Variants in PACRGL observed in about 807,000 individuals in gnomAD.
PACRGL encodes the protein PACRG-like protein.
In PACRGL, 38 loss-of-function variants were observed where a neutral mutation model predicts 34.5. The observed-to-expected ratio is 1.10, with a 90% CI of 0.85 to 1.44. PACRGL has a LOEUF of 1.44. Among genes scored for constraint, PACRGL ranks in the 40% most tolerant of loss-of-function variants. The pLI, the probability that PACRGL is intolerant of heterozygous loss-of-function variation, is 0.00. For missense variants in PACRGL, 305 were observed against 281.4 expected, an observed-to-expected ratio of 1.08 and a Z score of -0.60; for synonymous variants, 128 against 100.1, an observed-to-expected ratio of 1.28 and a Z score of -1.66.
chr4:20,710,187 A>G (rs573360973), intron 5 of PACRGL, among the ~76,000 whole-genome samples: 2 of 152,168 alleles, frequency 1.3e-5, no homozygotes, highest in Non-Finnish European at 2.9e-5. Context: ...TAGGGAATTG[A>G]TACTACCTAC....
chr4:20,716,155 A>G (rs771613066), intron 7 of PACRGL: 32 of 1,399,392 alleles, frequency 2.3e-5, no homozygotes, highest in Non-Finnish European at 3.1e-5. Flanking sequence ...AGGTTTGATG[A>G]TTTGCCAGAA....
At chr4:20,708,429 A>T (rs1453820657) in intron 4 of PACRGL, among the ~76,000 whole-genome samples, 1 of 151,808 alleles carries the variant, frequency 6.6e-6, no homozygotes, top group Non-Finnish European at 1.5e-5. Context: ...TATTTTGATT[A>T]TGGAAATAAT....
intron 8 of PACRGL, chr4:20,749,799 A>T: frequency 9.9e-7 from 1 of 1,013,210 alleles, no homozygotes; most frequent in Non-Finnish European, 1.5e-6. Flanking sequence ...CTTGGATAGC[A>T]GTCCAAGCTT....
chr4:20,732,029 C>T lies in PACRGL; in HGVS notation c.*4688C>T. On this transcript the variant is annotated 3_prime_UTR_variant, in exon 9 of 9. Coordinates refer to ENST00000503585, the MANE Select transcript of PACRGL (RefSeq NM_001258345.3). ...ACTTTTTGGCAGCTTTCAATGAACT[C>T]ATCTATGGTAACAACCCCATCTTTA... The T allele has an allele frequency of 6.2e-7, 1 of 1,613,524 alleles. No homozygotes were observed. The highest frequency in any genetic ancestry group is 8.5e-7 in the Non-Finnish European group (1 of 1,179,770).
At chr4:20,743,026 TAAGGGTGTGAAGGACCCTTA>T (rs1560423017) in intron 8 of PACRGL, among the ~76,000 whole-genome samples, 1 of 98,940 alleles carries the variant, frequency 1.0e-5, no homozygotes, top group African/African-American at 4.9e-5. Context: ...AGGACCCTTA[TAAGGGTGTGAAGGACCCTTA>T]TAAGGGTGTG....
chr4:20,711,066 G>C (rs1736930991), intron 5 of PACRGL, among the ~76,000 whole-genome samples: 1 of 151,864 alleles, frequency 6.6e-6, no homozygotes, highest in Non-Finnish European at 1.5e-5. Flanking sequence ...AGGCACAGTA[G>C]AGTGAGATGC....
chr4:20,715,459 T>A (rs1473106387), intron 7 of PACRGL, among the ~76,000 whole-genome samples: 1 of 152,082 alleles, frequency 6.6e-6, no homozygotes, highest in Non-Finnish European at 1.5e-5. Flanking sequence ...CTTAAAAATC[T>A]CATCATCCTT....
downstream of PACRGL, among the ~76,000 whole-genome samples, chr4:20,756,506 G>A (rs553491973): frequency 6.6e-6 from 1 of 152,176 alleles, no homozygotes; most frequent in South Asian, 2.1e-4. Context: ...GTCTTCCACT[G>A]GTATCTACCC....
chr4:20,731,770 T>C lies in PACRGL; in HGVS notation c.*4429T>C. On this transcript the variant is annotated 3_prime_UTR_variant, in exon 9 of 9. Coordinates refer to ENST00000503585, the MANE Select transcript of PACRGL (RefSeq NM_001258345.3). ...AATTTGGGAATCAACACAGTACATG[T>C]ACAACTTTTGTATCCCCAGGGTTTC... The C allele has an allele frequency of 1.0e-6, 1 of 985,422 alleles. No individual in the cohort carries two copies. The highest frequency in any genetic ancestry group is 1.2e-6 in the Non-Finnish European group (1 of 829,928). 61.0% of individuals were successfully genotyped at this position (985,422 alleles called of 1,614,324 possible).
intron 7 of PACRGL, among the ~76,000 whole-genome samples, chr4:20,720,921 T>G (rs1742774387): frequency 6.6e-6 from 1 of 152,208 alleles, no homozygotes; most frequent in Non-Finnish European, 1.5e-5. Flanking sequence ...GCAGCGTGTT[T>G]TCCAACTTGG....
upstream of PACRGL, among the ~76,000 whole-genome samples, chr4:20,697,070 T>G (rs1357478083): frequency 2.6e-5 from 4 of 152,338 alleles, no homozygotes; most frequent in Middle Eastern, 3.4e-3. Flanking sequence ...CAATGCTACC[T>G]TATATGCTCA....
downstream of PACRGL, among the ~76,000 whole-genome samples, chr4:20,756,425 T>G (rs1180843507): frequency 1.3e-5 from 2 of 152,136 alleles, no homozygotes; most frequent in Non-Finnish European, 2.9e-5. Context: ...CTAAAGCTAT[T>G]AACATCTCCT....
At position 20,709,748 on chromosome 4, in the gene PACRGL, A is replaced by T. The variant is rs1030139950; in HGVS notation, c.341A>T (p.Asp114Val). Reference protein sequence around the residue: ...WECPPESLSFDPLLITLAEGL... With the variant: ...WECPPESLSFVPLLITLAEGL... Reference sequence around the variant, plus strand: ...TGTCCTCCTGAAAGTCTTTCATTTGATCCACTTCTTATTACTTTAGCTGAG... The same window carrying T: ...TGTCCTCCTGAAAGTCTTTCATTTGTTCCACTTCTTATTACTTTAGCTGAG... Residue 114 changes from aspartate (D) to valine (V), a missense_variant, in exon 5 of 9, where the codon GAT (aspartate) becomes GTT (valine). Transcript: ENST00000503585. The T allele has an allele frequency of 2.5e-6, 4 of 1,606,648 alleles. No homozygotes were observed. In the African/African-American group the frequency reaches 5.3e-5, roughly 21 times the overall value.
rs1738245512 is a variant in PACRGL, at chr4:20,713,416, C to A, written c.502-16C>A. ...TCCCTGATGTCCATACATCCCCCAA[C>A]TAACCAACCTTACAGGTCCATTCGG... On this transcript the variant is annotated splice_polypyrimidine_tract_variant and intron_variant, in intron 6 of 8. Coordinates refer to ENST00000503585, the MANE Select transcript of PACRGL (RefSeq NM_001258345.3). 6.2e-7 allele frequency: 1 copy of A among 1,604,410 alleles called. No homozygotes were observed. Among genetic ancestry groups the A allele is most frequent in the African/African-American group, 1.3e-5 (1 of 74,704 alleles).
chr4:20,717,769 A>T (rs1312101516), intron 7 of PACRGL, among the ~76,000 whole-genome samples: 1 of 152,184 alleles, frequency 6.6e-6, no homozygotes, highest in Non-Finnish European at 1.5e-5. Flanking sequence ...AGGTAGTGTG[A>T]TGCCTCCAGC....
rs1369950737 is a variant in PACRGL at position 20,730,371 on chromosome 4, T to TAAATCTTTACTTGGTATTAATA, written c.*3031_*3052dup. Among the ~76,000 whole-genome samples, 2 of 152,218 alleles carry TAAATCTTTACTTGGTATTAATA rather than the reference T, an allele frequency of 1.3e-5. No homozygotes were observed. The highest frequency in any genetic ancestry group is 4.8e-5 in the African/African-American group (2 of 41,466). On this transcript the variant is annotated 3_prime_UTR_variant, in exon 9 of 9. Coordinates refer to ENST00000503585, the MANE Select transcript of PACRGL (RefSeq NM_001258345.3). ...TGACCAGGCATTAAACCACTTTATT[T>TAAATCTTTACTTGGTATTAATA]AAATCTTTACTTGGTATTAATAGAG...
intron 1 of PACRGL, 135 bp from the exon 2 acceptor site, chr4:20,704,331 G>GT (rs1733585857): frequency 5.9e-6 from 4 of 675,210 alleles, no homozygotes; most frequent in Non-Finnish European, 7.5e-6. Flanking sequence ...GTCTTTTCCA[G>GT]TATTTTGCTC....
downstream of PACRGL, chr4:20,734,830 A>C (rs1749201229): frequency 3.3e-6 from 2 of 600,992 alleles, no homozygotes; most frequent in Non-Finnish European, 5.5e-6. Context: ...AACCCTCTGG[A>C]TCTTGAACAT....
chr4:20,734,622 C>A, downstream of PACRGL: 2 of 1,322,058 alleles, frequency 1.5e-6, no homozygotes, highest in Admixed American at 4.4e-5. Context: ...GTGAGGCATC[C>A]CTTACCTCTT....
Sources: allele counts gnomAD v4.1 joint callset (sites outside exome capture counted in the v4.1 genomes callset), GRCh38; gene constraint gnomAD v4.1.1; transcripts MANE v1.5; gene names NCBI Gene and HGNC (gene_info 2026-07-23, HGNC 2026-07-21).